BDH1: variants seen among roughly 807,000 people sequenced by gnomAD.
BDH1 encodes the protein D-beta-hydroxybutyrate dehydrogenase, mitochondrial.
In BDH1, 30 loss-of-function variants were observed where a neutral mutation model predicts 33.1. That is an observed-to-expected ratio of 0.91 (90% CI 0.68 to 1.23). The LOEUF is 1.23. BDH1 is among the 50% of genes most tolerant of loss of function. The probability of loss-of-function intolerance (pLI) is 0.00; values close to 1 mark genes in which losing one functional copy is unlikely to be tolerated. For missense variants in BDH1, 443 were observed against 464.4 expected (o/e 0.95, Z 0.42); for synonymous variants, 190 against 183.6 (o/e 1.03, Z -0.28).
intron 7 of BDH1, among the ~76,000 whole-genome samples, chr3:197,513,860 C>T (rs1712380992): frequency 1.3e-5 from 2 of 152,166 alleles, no homozygotes; most frequent in Non-Finnish European, 2.9e-5. Context: ...TTCCCTAATA[C>T]CACAATGATC....
chr3:197,567,172 A>T (rs900662203), intron 1 of BDH1, among the ~76,000 whole-genome samples: 2 of 152,206 alleles, frequency 1.3e-5, no homozygotes, highest in Non-Finnish European at 1.5e-5. Flanking sequence ...CATCCTAGCC[A>T]TGAGACACCA....
intron 5 of BDH1, among the ~76,000 whole-genome samples, chr3:197,524,407 G>A (rs1713878038): frequency 6.6e-6 from 1 of 152,204 alleles, no homozygotes; most frequent in Non-Finnish European, 1.5e-5. Context: ...GTTAGGCTGA[G>A]CCTTCTGAAT....
intron 5 of BDH1, among the ~76,000 whole-genome samples, chr3:197,531,495 C>G (rs1714660223): frequency 6.7e-6 from 1 of 148,382 alleles, no homozygotes; most frequent in South Asian, 2.1e-4. Flanking sequence ...CAACAGAATA[C>G]CACTCAGCAA....
Position 197,522,231 on chromosome 3 carries a change from C to T in BDH1, c.409+409G>A, listed in dbSNP as rs543380870. 1.9e-4 allele frequency among the ~76,000 whole-genome samples: 29 copies of T among 152,322 alleles called. No individual in the cohort carries two copies. The South Asian group carries it at 6.0e-3, about 32-fold the overall frequency. ...GGACTGACCCCTCCTTCCTGTGCTG[C>T]TCTGCCTCTCTCAATGCACGGCTCC... On this transcript the variant is annotated intron_variant, in intron 6 of 7. Transcript: ENST00000392379. This position sits in a 1 kb window ranked among gnomAD's most constrained non-coding sequence, Gnocchi z 4.8.
chr3:197,554,601 AGGCCTGCAGGCGGCCCTCC>A lies in BDH1; in HGVS notation c.-102_-84del, dbSNP rs1716843000. On this transcript the variant is annotated 5_prime_UTR_variant, in exon 2 of 8. It removes an upstream start codon present in the reference 5' UTR. Coordinates refer to ENST00000392379, the MANE Select transcript of BDH1 (RefSeq NM_203314.3). This position sits in a 1 kb window ranked among gnomAD's most constrained non-coding sequence, Gnocchi z 4.4. Reference sequence around the variant, plus strand: ...CGTCACAAAAGATCCTGTCAGCGCGAGGCCTGCAGGCGGCCCTCCATAGTGAAATATGTGCTTCTGCAAC... The same window carrying A: ...CGTCACAAAAGATCCTGTCAGCGCGAATAGTGAAATATGTGCTTCTGCAAC... 1 of 152,232 alleles carries A rather than the reference AGGCCTGCAGGCGGCCCTCC, an allele frequency of 6.6e-6. No homozygotes were observed. The highest frequency in any genetic ancestry group is 1.5e-5 in the Non-Finnish European group (1 of 68,066). 9.4% of individuals were successfully genotyped at this position (152,232 alleles called of 1,614,324 possible). A position where few individuals can be genotyped will look rare whatever the true frequency, so the allele number is the denominator to read the frequency against.
At chr3:197,552,241 C>T (rs760086538) in intron 2 of BDH1, among the ~76,000 whole-genome samples, 4 of 152,152 alleles carry the variant, frequency 2.6e-5, no homozygotes, top group African/African-American at 4.8e-5. Flanking sequence ...ATCAATGCCA[C>T]CTTCACATAT....
intron 6 of BDH1, among the ~76,000 whole-genome samples, chr3:197,517,450 C>A (rs1323769286): frequency 1.6e-4 from 12 of 74,412 alleles, no homozygotes; most frequent in Non-Finnish European, 3.1e-4. Flanking sequence ...TCCATCCCCC[C>A]TCAGGCCGAC....
chr3:197,549,986 T>TATATA (rs3061417), intron 2 of BDH1, among the ~76,000 whole-genome samples: 1 of 149,586 alleles, frequency 6.7e-6, no homozygotes. Flanking sequence ...TATATATATA[T>TATATA]TTGGCCATTC....
In BDH1 at chr3:197,522,541, G is replaced by A; in HGVS notation, c.409+99C>T. 6.8e-7 allele frequency: 1 copy of A among 1,472,176 alleles called. No homozygotes were observed. The highest frequency in any genetic ancestry group is 9.3e-7 in the Non-Finnish European group (1 of 1,070,922). The allele number at this position is 1,472,176 out of a possible 1,614,324, so 91.2% of individuals were successfully genotyped here. On this transcript the variant is annotated intron_variant, in intron 6 of 7. Transcript: ENST00000392379. This position sits in a 1 kb window ranked among gnomAD's most constrained non-coding sequence, Gnocchi z 4.8. Reference sequence around the variant, plus strand: ...AAGAGCCTAAACAATAAGGAAGGGAGTGTGGTGGCAGGATGCCAGCCAGTG... The same window carrying A: ...AAGAGCCTAAACAATAAGGAAGGGAATGTGGTGGCAGGATGCCAGCCAGTG...
Position 197,514,332 on chromosome 3 carries a change from G to C in BDH1, c.494C>G (p.Ala165Gly). 1 of 1,613,940 alleles carries C rather than the reference G, an allele frequency of 6.2e-7. No homozygotes were observed. Among genetic ancestry groups the C allele is most frequent in the Non-Finnish European group, 8.5e-7 (1 of 1,179,902 alleles). The change falls in exon 7 of 8, where the codon GCA becomes GGA. Residue 165 changes from alanine to glycine, a missense_variant. Ala to Gly is a moderately conservative substitution (Grantham distance 60). Transcript: ENST00000392379. This position sits in a 1 kb window ranked among gnomAD's most constrained non-coding sequence, Gnocchi z 4.2. The part of the protein sequence containing the change: ...FTSLETYKQV[A>G]EVNLWGTVRM... The stretch of plus-strand genomic sequence containing the variant: ...CACTGTGCCCCAAAGGTTCACTTCT[G>C]CCACCTGCTTGTAGGTCTCCAGGCT...
In BDH1 at chr3:197,549,975, T is replaced by TTATTTTTATATATATATATATATATATA. The variant is rs1553875236; in HGVS notation, c.-43-3490_-43-3489insTATATATATATATATATATATAAAAATA. Among the ~76,000 whole-genome samples the TTATTTTTATATATATATATATATATATA allele has an allele frequency of 1.2e-3, 180 of 146,902 alleles. 1 individual carries two copies. The highest frequency in any genetic ancestry group is 9.5e-3 in the South Asian group (45 of 4,722). On this transcript the variant is annotated intron_variant, in intron 2 of 7. Coordinates refer to ENST00000392379, the MANE Select transcript of BDH1 (RefSeq NM_203314.3). ...TATATGCACTATAATCAAATAACTA[T>TTATTTTTATATATATATATATATATATA]TATATATATATTTGGCCATTCCTCT...
intron 7 of BDH1, among the ~76,000 whole-genome samples, chr3:197,513,820 C>A (rs970503950): frequency 6.6e-6 from 1 of 152,190 alleles, no homozygotes; most frequent in African/African-American, 2.4e-5. Context: ...TGTTGGTTTT[C>A]CAAATTTCTA....
At chr3:197,542,511 T>C (rs1017861382) in intron 3 of BDH1, among the ~76,000 whole-genome samples, 1 of 142,662 alleles carries the variant, frequency 7.0e-6, no homozygotes, top group African/African-American at 2.8e-5. Flanking sequence ...CACGCTTTCT[T>C]TCTTGCTTGC....
chr3:197,559,594 G>A (rs1717195959), upstream of BDH1, among the ~76,000 whole-genome samples: 1 of 152,172 alleles, frequency 6.6e-6, no homozygotes, highest in Non-Finnish European at 1.5e-5. Flanking sequence ...CCCAGATTAA[G>A]CCAATGGTTA....
chr3:197,530,576 C>CAAAA (rs1489408112), intron 5 of BDH1: 1 of 136,508 alleles, frequency 7.3e-6, no homozygotes, highest in Non-Finnish European at 1.6e-5. Flanking sequence ...AACTCCATCT[C>CAAAA]AAAAAAAAGA....
At chr3:197,543,168 A>G (rs1428851233) in intron 3 of BDH1, 1 of 985,224 alleles carries the variant, frequency 1.0e-6, no homozygotes, top group Non-Finnish European at 1.2e-6. Context: ...TTTGAATCTA[A>G]CAAGACGGGG....
chr3:197,570,282 C>A lies in BDH1; in HGVS notation c.-44+2899G>T, dbSNP rs71325624. Among the ~76,000 whole-genome samples the A allele has an allele frequency of 8.8e-3, 1,338 of 152,242 alleles. 18 individuals carry two copies. Among genetic ancestry groups the A allele is most frequent in the South Asian group, 0.021 (101 of 4,824 alleles). On this transcript the variant is annotated intron_variant, in intron 1 of 6. Coordinates refer to the BDH1 transcript ENST00000358186. ...ATTCAGTTTTAAAAGGGAAACAGAA[C>A]ATAAAAGTTTGGAAAATTTGCAGCC... is the stretch of plus-strand genomic sequence containing the variant.
At chr3:197,571,711 T>G (rs1717612555) in intron 1 of BDH1, among the ~76,000 whole-genome samples, 1 of 152,222 alleles carries the variant, frequency 6.6e-6, no homozygotes, top group South Asian at 2.1e-4. Context: ...CTTTATAAAT[T>G]ACCCATTCTT....
chr3:197,561,679 C>G (rs537997040), intron 1 of BDH1, among the ~76,000 whole-genome samples: 1 of 152,120 alleles, frequency 6.6e-6, no homozygotes, highest in Non-Finnish European at 1.5e-5. Flanking sequence ...TCAGATTTGA[C>G]CTACTCTTCC....
Sources: gnomAD v4.1 joint callset for allele counts (sites outside exome capture counted in the v4.1 genomes callset) on GRCh38, gnomAD v4.1.1 for gene constraint, Gnocchi (gnomAD v3.1) non-coding constraint, MANE v1.5 for transcripts, NCBI Gene and HGNC (gene_info 2026-07-23, HGNC 2026-07-21) for gene names.